The following SETBP1 variants were observed in gnomAD, a reference collection of about 807,000 sequenced individuals.
The protein encoded by SETBP1 is SET binding protein 1.
SETBP1 carries 9 observed loss-of-function variants against 101.0 expected under a neutral mutation model. The observed-to-expected ratio is 0.09, with a 90% CI of 0.05 to 0.16. The LOEUF is 0.16. Ranked by LOEUF, SETBP1 falls within the 10% of genes least tolerant of loss-of-function variation. The probability of loss-of-function intolerance (pLI) is 1.00; values close to 1 mark genes in which losing one functional copy is unlikely to be tolerated. For synonymous variants in SETBP1, 818 were observed against 788.5 expected, an observed-to-expected ratio of 1.04 and a Z score of -0.63; for missense variants, 1,858 against 2,033.8, an observed-to-expected ratio of 0.91 and a Z score of 1.66.
chr18:44,904,504 A>G (rs2070127934), intron 3 of SETBP1, among the ~76,000 whole-genome samples: 1 of 152,200 alleles, frequency 6.6e-6, no homozygotes, highest in African/African-American at 2.4e-5. Flanking sequence ...CCAATAAGAA[A>G]AAAAGAAACC....
At chr18:45,050,403 T>C (rs983049366) in intron 5 of SETBP1, among the ~76,000 whole-genome samples, 9 of 152,236 alleles carry the variant, frequency 5.9e-5, no homozygotes, top group Non-Finnish European at 1.0e-4. Context: ...GTTGTTTTAA[T>C]GTCCATTGGA....
intron 3 of SETBP1, chr18:44,877,280 T>TTAC (rs1451086017): frequency 4.3e-5 from 29 of 676,234 alleles, no homozygotes; most frequent in Admixed American, 6.3e-5. Context: ...TTATAGTATT[T>TTAC]TACCAAAGTT....
intron 3 of SETBP1, among the ~76,000 whole-genome samples, chr18:44,918,159 T>G (rs992018345): frequency 6.6e-6 from 1 of 152,210 alleles, no homozygotes; most frequent in African/African-American, 2.4e-5. Flanking sequence ...CCCCCACATA[T>G]AGTCTACTTC....
intron 2 of SETBP1, among the ~76,000 whole-genome samples, chr18:44,844,858 A>G (rs925270893): frequency 6.6e-6 from 1 of 152,096 alleles, no homozygotes; most frequent in Non-Finnish European, 1.5e-5. Context: ...CCAGACAAAG[A>G]GGAGGGCTGA....
chr18:44,893,830 T>A (rs941449029), intron 3 of SETBP1, among the ~76,000 whole-genome samples: 4 of 151,906 alleles, frequency 2.6e-5, no homozygotes, highest in Non-Finnish European at 5.9e-5. Flanking sequence ...AAATACCTAT[T>A]TGTGTGTGTG....
At chr18:44,746,585 C>A (rs1185397593) in intron 2 of SETBP1, among the ~76,000 whole-genome samples, 1 of 152,200 alleles carries the variant, frequency 6.6e-6, no homozygotes, top group South Asian at 2.1e-4. Flanking sequence ...GTTGGAATAT[C>A]TCTTTGTTCC....
At chr18:44,776,422 CT>C (rs1051517101) in intron 2 of SETBP1, among the ~76,000 whole-genome samples, 1 of 152,146 alleles carries the variant, frequency 6.6e-6, no homozygotes, top group Non-Finnish European at 1.5e-5. Flanking sequence ...ACAGAATCTC[CT>C]CTCATTTCAT....
At chr18:44,913,566 G>C (rs1035619610) in intron 3 of SETBP1, among the ~76,000 whole-genome samples, 3 of 152,212 alleles carry the variant, frequency 2.0e-5, no homozygotes, top group Non-Finnish European at 4.4e-5. Context: ...GGCACGAAGG[G>C]CCTGGAAAAC....
rs114327873 is a variant in SETBP1 at position 45,037,757 on chromosome 18, C to T, written c.4001-728C>T. ...CATCATCATGACATGACATATGATG[C>T]GTGTTATGACCAGACACTCAAAGGC... is the stretch of plus-strand genomic sequence containing the variant. On this transcript the variant is annotated intron_variant, in intron 4 of 5. Coordinates refer to ENST00000649279, the MANE Select transcript of SETBP1 (RefSeq NM_015559.3). 6.1e-3 allele frequency among the ~76,000 whole-genome samples: 931 copies of T among 152,198 alleles called. 9 individuals are homozygous for T. The highest frequency in any genetic ancestry group is 0.021 in the African/African-American group (870 of 41,526).
At chr18:44,788,002 G>GTTTTTTTTTTTTTTTTTTTT (rs879795599) in intron 2 of SETBP1, among the ~76,000 whole-genome samples, 1 of 144,696 alleles carries the variant, frequency 6.9e-6, no homozygotes. Context: ...GTTTATTGGA[G>GTTTTTTTTTTTTTTTTTTTT]TTTTTTTTTT....
At chr18:44,911,170 A>G (rs1245338732) in intron 3 of SETBP1, among the ~76,000 whole-genome samples, 4 of 152,170 alleles carry the variant, frequency 2.6e-5, no homozygotes, top group Non-Finnish European at 4.4e-5. Context: ...GTGATGAGTC[A>G]TCTTGGTCTA....
intron 1 of SETBP1, among the ~76,000 whole-genome samples, chr18:44,688,154 T>A (rs1336186502): frequency 6.6e-6 from 1 of 152,216 alleles, no homozygotes; most frequent in Admixed American, 6.5e-5. Flanking sequence ...ACCCAGGATC[T>A]AGTAAAGGAT....
chr18:44,793,369 G>T (rs576301725), intron 2 of SETBP1, among the ~76,000 whole-genome samples: 1 of 152,182 alleles, frequency 6.6e-6, no homozygotes, highest in Non-Finnish European at 1.5e-5. Flanking sequence ...ACTGAGCACC[G>T]GCATATTGCC....
chr18:44,840,922 T>C (rs1599204750), intron 2 of SETBP1, among the ~76,000 whole-genome samples: 2 of 152,244 alleles, frequency 1.3e-5, no homozygotes. Context: ...GATTCTAATA[T>C]GTAGCCAGGG....
At chr18:44,934,125 G>A (rs1055867216) in intron 3 of SETBP1, among the ~76,000 whole-genome samples, 2 of 151,556 alleles carry the variant, frequency 1.3e-5, no homozygotes, top group African/African-American at 4.8e-5. Flanking sequence ...AACCCCATCA[G>A]GTAGGTGCTG....
chr18:44,806,546 TAAC>T (rs767508434), intron 2 of SETBP1, among the ~76,000 whole-genome samples: 12 of 149,484 alleles, frequency 8.0e-5, no homozygotes, highest in African/African-American at 1.2e-4. Flanking sequence ...CTTAAACTCT[TAAC>T]ATGCTGAAAA....
chr18:44,697,814 G>T (rs1028516974), intron 1 of SETBP1, among the ~76,000 whole-genome samples: 5 of 152,224 alleles, frequency 3.3e-5, no homozygotes, highest in African/African-American at 4.8e-5. Context: ...ATGGAGAATT[G>T]AAGACTTGGG....
chr18:44,680,907 G>A lies in SETBP1; in HGVS notation c.-287G>A, dbSNP rs989908137. 6.6e-6 allele frequency: 1 copy of A among 152,114 alleles called. No individual in the cohort carries two copies. 9.4% of individuals were successfully genotyped at this position (152,114 alleles called of 1,614,324 possible). On this transcript the variant is annotated 5_prime_UTR_variant, in exon 1 of 6. Coordinates refer to ENST00000649279, the MANE Select transcript of SETBP1 (RefSeq NM_015559.3). ...CTCTTTGTAACTTGCAGGTTAAGTG[G>A]AGCTAGAGAGCTACATTGTAACCTA...
chr18:44,753,689 G>A (rs377730286), intron 2 of SETBP1, among the ~76,000 whole-genome samples: 6 of 152,312 alleles, frequency 3.9e-5, no homozygotes, highest in South Asian at 4.1e-4. Flanking sequence ...TTGGAGGTAC[G>A]GAATGTTGAC....
Sources: gnomAD v4.1 joint callset for allele counts (sites outside exome capture counted in the v4.1 genomes callset) on GRCh38, gnomAD v4.1.1 for gene constraint, MANE v1.5 for transcripts, NCBI Gene and HGNC (gene_info 2026-07-23, HGNC 2026-07-21) for gene names.